Variants in POLR2L observed in about 807,000 individuals in gnomAD.
POLR2L encodes the protein DNA-directed RNA polymerases I, II, and III subunit RPABC5.
A neutral mutation model predicts 6.8 loss-of-function variants in POLR2L; 7 were observed. The ratio of observed to expected loss-of-function variants is 1.03; its 90% CI spans 0.59 to 1.94. The LOEUF is 1.94. Ranked by LOEUF, POLR2L falls within the 30% of genes most tolerant of loss-of-function variation. The pLI is 0.00. For missense variants in POLR2L, 93 were observed against 86.7 expected (o/e 1.07, Z -0.29); for synonymous variants, 59 against 39.8 (o/e 1.48, Z -1.82).
chr11:842,264 G>A (rs1021985308), intron 1 of POLR2L, 150 bp downstream of exon 1: 1 of 482,104 alleles, frequency 2.1e-6, no homozygotes. Flanking sequence ...AGCGGGGCTG[G>A]AGAAGCCGGG....
intron 1 of POLR2L, among the ~76,000 whole-genome samples, chr11:842,081 G>C (rs570656225): frequency 7.2e-6 from 1 of 139,310 alleles, no homozygotes; most frequent in African/African-American, 2.8e-5. Flanking sequence ...CATGGGGTGG[G>C]CCTGGGGGCA....
At chr11:840,740 G>A (rs28551040) in intron 1 of POLR2L, among the ~76,000 whole-genome samples, 99,715 of 152,040 alleles carry the variant, frequency 0.66, 33,416 homozygotes, top group East Asian at 0.87. Flanking sequence ...TGTGTATAAC[G>A]TATGTAAGAA....
chr11:841,942 C>A (rs1258596531), intron 1 of POLR2L, among the ~76,000 whole-genome samples: 1 of 152,204 alleles, frequency 6.6e-6, no homozygotes, highest in Non-Finnish European at 1.5e-5. Flanking sequence ...AGATCAGGGT[C>A]TCCCCAGGTT....
At chr11:840,879 C>T (rs943001752) in intron 1 of POLR2L, among the ~76,000 whole-genome samples, 1 of 152,244 alleles carries the variant, frequency 6.6e-6, no homozygotes, top group East Asian at 1.9e-4. Flanking sequence ...CTGCCCTTAG[C>T]TGGTTCACCC....
In POLR2L at chr11:840,134, TG is replaced by T. The variant is rs1472110351; in HGVS notation, c.*237del. 22 of 463,412 alleles carry T rather than the reference TG, an allele frequency of 4.7e-5. No individual in the cohort carries two copies. In the East Asian group the frequency reaches 8.5e-4, roughly 18 times the overall value. 28.7% of individuals were successfully genotyped at this position (463,412 alleles called of 1,614,324 possible). A position where few individuals can be genotyped will look rare whatever the true frequency, so the allele number is the denominator to read the frequency against. On this transcript the variant is annotated 3_prime_UTR_variant, in exon 2 of 2. Transcript: ENST00000322028. ...GAGTTCATGGCCCAGTCTGCTTCAC[TG>T]GGCTGCCACAGTGTGAAAGCTGGGC...
In POLR2L at chr11:842,498, G is replaced by A. The variant is rs867094914; in HGVS notation, c.11C>T (p.Pro4Leu). 1.2e-5 allele frequency: 19 copies of A among 1,582,244 alleles called. No homozygotes were observed. Among genetic ancestry groups the A allele is most frequent in the South Asian group, 2.3e-5 (2 of 87,710 alleles). MII[P>L]VRCFTCGKIV... ...CTTGCCACAAGTGAAGCAGCGTACA[G>A]GGATGATCATGGCGGCGGCGCGTCC... Residue 4 changes from proline (P) to leucine (L), a missense_variant, in exon 1 of 2, where the codon CCT becomes CTT. Pro to Leu is a moderately conservative substitution (Grantham distance 98, BLOSUM62 -3). Transcript: ENST00000322028.
rs370354295 is a variant in POLR2L at position 840,508 on chromosome 11, AC to A, written c.96-29del. 1.2e-4 allele frequency: 184 copies of A among 1,489,350 alleles called. 3 individuals carry two copies. The highest frequency in any genetic ancestry group is 1.1e-3 in the East Asian group (50 of 44,236). 92.3% of individuals were successfully genotyped at this position (1,489,350 alleles called of 1,614,324 possible). On this transcript the variant is annotated intron_variant, in intron 1 of 1. Coordinates refer to ENST00000322028, the MANE Select transcript of POLR2L (RefSeq NM_021128.5). ...GTGTCGAGGGGAGGAGCAGAGGCCA[AC>A]TGAGTTCTCTACGGTCTGCAAAGGC...
upstream of POLR2L, chr11:842,529 TGC>T: frequency 1.3e-6 from 2 of 1,552,584 alleles, no homozygotes; most frequent in Non-Finnish European, 1.7e-6. Flanking sequence ...CGTCCCAGAC[TGC>T]CCGGCCCGGC....
intron 1 of POLR2L, 113 bp from the exon 2 acceptor site, chr11:840,593 G>C: frequency 1.4e-6 from 1 of 699,732 alleles, no homozygotes; most frequent in South Asian, 1.6e-5. Context: ...CCCCGCCACC[G>C]GCAAGGCGAA....
Position 842,495 on chromosome 11 carries a change from A to T in POLR2L, c.14T>A (p.Val5Glu). The T allele has an allele frequency of 6.3e-7, 1 of 1,583,640 alleles. No homozygotes were observed. Among genetic ancestry groups the T allele is most frequent in the South Asian group, 1.1e-5 (1 of 87,876 alleles). Reference protein sequence around the residue: MIIPVRCFTCGKIVG... With the variant: MIIPERCFTCGKIVG... Reference sequence around the variant, plus strand: ...GATCTTGCCACAAGTGAAGCAGCGTACAGGGATGATCATGGCGGCGGCGCG... The same window carrying T: ...GATCTTGCCACAAGTGAAGCAGCGTTCAGGGATGATCATGGCGGCGGCGCG... Residue 5 changes from valine to glutamate, a missense_variant, in exon 1 of 2, where the codon GTA (valine) becomes GAA (glutamate). Transcript: ENST00000322028.
intron 1 of POLR2L, among the ~76,000 whole-genome samples, chr11:841,033 C>A (rs1031184257): frequency 1.3e-5 from 2 of 152,226 alleles, no homozygotes; most frequent in Admixed American, 6.5e-5. Flanking sequence ...TCCCTGGGAC[C>A]TAGCTCCAGT....
intron 1 of POLR2L, among the ~76,000 whole-genome samples, chr11:841,388 A>G (rs1254180758): frequency 6.6e-6 from 1 of 152,152 alleles, no homozygotes; most frequent in Non-Finnish European, 1.5e-5. Context: ...CCTCCCCTAC[A>G]AAGCCTGATG....
intron 1 of POLR2L, among the ~76,000 whole-genome samples, chr11:841,256 A>G (rs1011559869): frequency 1.5e-4 from 23 of 152,206 alleles, no homozygotes; most frequent in South Asian, 1.2e-3. Flanking sequence ...GCTGGCGCAC[A>G]CAAGCCCAGG....
chr11:841,381 C>T (rs1846961549), intron 1 of POLR2L, among the ~76,000 whole-genome samples: 1 of 152,186 alleles, frequency 6.6e-6, no homozygotes, highest in African/African-American at 2.4e-5. Context: ...AAAGACGCCT[C>T]CCCTACAAAG....
chr11:840,780 C>T (rs114422480), intron 1 of POLR2L, among the ~76,000 whole-genome samples: 3,134 of 152,220 alleles, frequency 0.021, 115 homozygotes, highest in African/African-American at 0.071. Flanking sequence ...GAAGTAATTG[C>T]GGGGAGCTTA....
At chr11:842,087 G>A (rs906968547) in intron 1 of POLR2L, among the ~76,000 whole-genome samples, 13 of 131,556 alleles carry the variant, frequency 9.9e-5, no homozygotes, top group Non-Finnish European at 1.8e-4. Context: ...GTGGGCCTGG[G>A]GGCAGAGATG....
intron 1 of POLR2L, among the ~76,000 whole-genome samples, chr11:842,108 G>T (rs1213595887): frequency 6.6e-6 from 1 of 152,202 alleles, no homozygotes; most frequent in Non-Finnish European, 1.5e-5. Context: ...GGAATAGGGC[G>T]GAGGCCAAGG....
At chr11:840,666 A>G (rs918099395) in intron 1 of POLR2L, among the ~76,000 whole-genome samples, 186 bp from the exon 2 acceptor site, 15 of 152,220 alleles carry the variant, frequency 9.9e-5, no homozygotes, top group Non-Finnish European at 1.8e-4. Flanking sequence ...TAACCTGGAA[A>G]TGCCCAGAAC....
rs756686995 is a variant in POLR2L at position 842,443 on chromosome 11, C to T, written c.66G>A (p.Leu22=). 3 of 1,595,724 alleles carry T rather than the reference C, an allele frequency of 1.9e-6. No individual in the cohort carries two copies. The highest frequency in any genetic ancestry group is 2.6e-6 in the Non-Finnish European group (3 of 1,172,930). The change falls in exon 1 of 2, where the codon CTG becomes CTA. Residue 22 remains leucine, a synonymous_variant. Coordinates refer to ENST00000322028, the MANE Select transcript of POLR2L (RefSeq NM_021128.5). ...CGGTGTACTCGGCCTGCAGCAGCCC[C>T]AGGTAAGCCTCCCACTTGTTGCCGA... is the stretch of plus-strand genomic sequence containing the variant. ...KIVGNKWEAY[L]GLLQAEYTEG... is the part of the protein sequence containing the mutation.
Sources: allele counts gnomAD v4.1 joint callset (sites outside exome capture counted in the v4.1 genomes callset), GRCh38; gene constraint gnomAD v4.1.1; transcripts MANE v1.5; gene names NCBI Gene and HGNC (gene_info 2026-07-23, HGNC 2026-07-21).